The following DPP6 variants were observed in gnomAD, a reference collection of about 807,000 sequenced individuals.
DPP6 encodes the protein dipeptidyl peptidase like 6.
A neutral mutation model predicts 122.6 loss-of-function variants in DPP6; 69 were observed. The ratio of observed to expected loss-of-function variants is 0.56; its 90% CI spans 0.46 to 0.69. The LOEUF (loss-of-function observed/expected upper bound fraction) is 0.69, where lower values mean the gene tolerates loss of function less well. DPP6 is among the 30% of genes least tolerant of loss of function. The pLI, the probability that DPP6 is intolerant of heterozygous loss-of-function variation, is 0.00. For synonymous variants in DPP6, 418 were observed against 433.1 expected (o/e 0.97, Z 0.43); for missense variants, 928 against 1,116.9 (o/e 0.83, Z 2.41).
chr7:153,756,595 ATCCAC>A, the DPP6 span, among the ~76,000 whole-genome samples: 1 of 152,222 alleles, frequency 6.6e-6, no homozygotes, highest in Non-Finnish European at 1.5e-5. Context: ...AACTTTTCTT[ATCCAC>A]CATTGCTCTT....
At chr7:153,759,300 G>C in the DPP6 span, among the ~76,000 whole-genome samples, 1 of 151,536 alleles carries the variant, frequency 6.6e-6, no homozygotes, top group African/African-American at 2.4e-5. Context: ...CAGTCTATAG[G>C]GGTATATAGT....
intron 5 of DPP6, among the ~76,000 whole-genome samples, chr7:154,628,122 A>AATTCCTGC (rs1419183115): frequency 3.3e-5 from 5 of 152,098 alleles, no homozygotes; most frequent in African/African-American, 1.2e-4. Context: ...CCATCTCACC[A>AATTCCTGC]ATTCCTGCAT....
chr7:154,587,657 A>T (rs1419681135), intron 5 of DPP6: 3 of 1,546,594 alleles, frequency 1.9e-6, no homozygotes, highest in Non-Finnish European at 1.7e-6. Flanking sequence ...CAGATGAAGA[A>T]AGTGAAGTCC....
chr7:153,814,798 T>C, the DPP6 span, among the ~76,000 whole-genome samples: 1 of 151,932 alleles, frequency 6.6e-6, no homozygotes, highest in Non-Finnish European at 1.5e-5. Flanking sequence ...GCAAGGCTGG[T>C]TCAATATACG....
chr7:153,816,926 G>A, the DPP6 span, among the ~76,000 whole-genome samples: 2 of 152,072 alleles, frequency 1.3e-5, no homozygotes, highest in African/African-American at 4.8e-5. Flanking sequence ...CTCAGAAGGT[G>A]GCATCAAGAC....
intron 25 of DPP6, chr7:154,890,667 C>G (rs1235895699): frequency 6.6e-6 from 1 of 152,232 alleles, no homozygotes; most frequent in Admixed American, 6.5e-5. Context: ...AGGACCCACC[C>G]AGGGACACAC....
chr7:154,713,770 G>A (rs1023696444), intron 7 of DPP6, among the ~76,000 whole-genome samples: 1 of 152,172 alleles, frequency 6.6e-6, no homozygotes, highest in East Asian at 1.9e-4. Context: ...TGCCATGAAG[G>A]TCTCTGACAT....
intron 7 of DPP6, among the ~76,000 whole-genome samples, chr7:154,724,765 G>A (rs1841986732): frequency 6.6e-6 from 1 of 152,052 alleles, no homozygotes; most frequent in African/African-American, 2.4e-5. Flanking sequence ...CCAGGGGCTG[G>A]GGGAGGGATG....
intron 1 of DPP6, among the ~76,000 whole-genome samples, chr7:154,333,519 G>T (rs1338662826): frequency 6.6e-6 from 1 of 152,188 alleles, no homozygotes; most frequent in Non-Finnish European, 1.5e-5. Context: ...ATGGTTTAAA[G>T]CATTGATTTC....
the DPP6 span, among the ~76,000 whole-genome samples, chr7:153,867,863 G>A: frequency 6.6e-6 from 1 of 152,254 alleles, no homozygotes; most frequent in Admixed American, 6.5e-5. Flanking sequence ...AGCATGAAGG[G>A]TTGTTGAATT....
At chr7:154,465,639 A>G (rs1298319244) in intron 2 of DPP6, among the ~76,000 whole-genome samples, 2 of 152,264 alleles carry the variant, frequency 1.3e-5, no homozygotes, top group Non-Finnish European at 2.9e-5. Flanking sequence ...AAGAAATGCA[A>G]ATCAAAACCA....
At chr7:153,782,883 C>A in the DPP6 span, among the ~76,000 whole-genome samples, 1 of 152,168 alleles carries the variant, frequency 6.6e-6, no homozygotes. Context: ...GGAAAACCAA[C>A]TGGACAAGAG....
chr7:154,683,924 A>G (rs1049495839), intron 7 of DPP6, among the ~76,000 whole-genome samples: 4 of 152,196 alleles, frequency 2.6e-5, no homozygotes, highest in Non-Finnish European at 2.9e-5. Flanking sequence ...GCTGGAATAC[A>G]GTGGTGTGAG....
exon 1 of DPP6, chr7:153,887,552 A>C (rs920421129): frequency 4.8e-6 from 5 of 1,038,388 alleles, no homozygotes; most frequent in Non-Finnish European, 7.3e-6. Context: ...GAAGACCTGG[A>C]AGATTTTTTT....
intron 1 of DPP6, among the ~76,000 whole-genome samples, chr7:154,204,604 C>T (rs539577845): frequency 3.3e-5 from 5 of 152,308 alleles, no homozygotes; most frequent in Non-Finnish European, 5.9e-5. Context: ...GACCTGCGAG[C>T]CCCATTTCCA....
intron 1 of DPP6, among the ~76,000 whole-genome samples, chr7:154,250,021 G>C (rs1234602390): frequency 6.6e-6 from 1 of 152,150 alleles, no homozygotes; most frequent in African/African-American, 2.4e-5. Flanking sequence ...ATAGATTACA[G>C]ACATTGTGAA....
chr7:154,157,949 A>G (rs1796770342), intron 1 of DPP6, among the ~76,000 whole-genome samples: 2 of 148,850 alleles, frequency 1.3e-5, no homozygotes, highest in Middle Eastern at 3.3e-3. Context: ...AAATATATAC[A>G]TATATATGTA....
intron 1 of DPP6, among the ~76,000 whole-genome samples, chr7:154,035,200 G>T (rs1799458408): frequency 6.6e-6 from 1 of 152,216 alleles, no homozygotes; most frequent in Admixed American, 6.5e-5. Flanking sequence ...GGGGTTCAGT[G>T]GACAAGGTAT....
chr7:154,719,903 G>T (rs1841705957), intron 7 of DPP6, among the ~76,000 whole-genome samples: 1 of 152,192 alleles, frequency 6.6e-6, no homozygotes, highest in African/African-American at 2.4e-5. Context: ...TCTGTCTGTG[G>T]GTTTCAGGGG....
Sources: allele counts gnomAD v4.1 joint callset (sites outside exome capture counted in the v4.1 genomes callset), GRCh38; gene constraint gnomAD v4.1.1; transcripts MANE v1.5; gene names NCBI Gene and HGNC (gene_info 2026-07-23, HGNC 2026-07-21).